The following STRN4 variants were observed in gnomAD, a reference collection of about 807,000 sequenced individuals.
STRN4 encodes striatin-4.
Under a neutral mutation model 77.9 loss-of-function variants are expected in STRN4, and 27 were observed. The ratio of observed to expected loss-of-function variants is 0.35; its 90% CI spans 0.26 to 0.48. The LOEUF (loss-of-function observed/expected upper bound fraction) is 0.48. Among genes scored for constraint, STRN4 ranks in the 20% least tolerant of loss-of-function variants. The probability of loss-of-function intolerance (pLI) is 0.99; values close to 1 mark genes in which losing one functional copy is unlikely to be tolerated. For missense variants in STRN4, 798 were observed against 1,049.7 expected (o/e 0.76, Z 3.31); for synonymous variants, 466 against 443.1 (o/e 1.05, Z -0.65).
intron 12 of STRN4, among the ~76,000 whole-genome samples, chr19:46,724,473 G>A (rs1039453954): frequency 3.9e-5 from 6 of 152,176 alleles, no homozygotes; most frequent in African/African-American, 1.2e-4. Context: ...CAGAGTACAC[G>A]GCATGGCAGA....
At chr19:46,732,748 T>G in intron 5 of STRN4, 1 of 395,300 alleles carries the variant, frequency 2.5e-6, no homozygotes, top group Non-Finnish European at 4.6e-6. Context: ...GCACCCAGGG[T>G]GTGCCTTCGG....
At position 46,722,828 on chromosome 19, in the gene STRN4, C is replaced by T; in HGVS notation, c.1888G>A (p.Glu630Lys). Residue 630 changes from glutamate (E) to lysine (K), a missense_variant, in exon 14 of 18, where the codon GAG becomes AAG. Glu to Lys is a moderately conservative substitution (Grantham distance 56). This residue lies in a region of STRN4 where 287 missense variants were observed against 473.8 expected (regional missense o/e 0.61). Coordinates refer to ENST00000263280, the MANE Select transcript of STRN4 (RefSeq NM_013403.3). Reference sequence around the variant, plus strand: ...CCCTTACCGCTGCTGCCCCGGGACTCCAGCGTGAGGAGGGCACTGCCAACC... The same window carrying T: ...CCCTTACCGCTGCTGCCCCGGGACTTCAGCGTGAGGAGGGCACTGCCAACC... The part of the protein sequence containing the change: ...MEVGSALLTL[E>K]SRGSSGPTQI... 6.2e-7 allele frequency: 1 copy of T among 1,613,928 alleles called. No homozygotes were observed. The highest frequency in any genetic ancestry group is 1.3e-5 in the African/African-American group (1 of 75,070).
rs534413024 is a variant in STRN4 at position 46,743,233 on chromosome 19, T to C, written c.282+2916A>G. Reference sequence around the variant, plus strand: ...GGAACTTTCCTTTTTCACTTACATATATATGTGTATACACACACTCACACA... The same window carrying C: ...GGAACTTTCCTTTTTCACTTACATACATATGTGTATACACACACTCACACA... On this transcript the variant is annotated intron_variant, in intron 1 of 17. Coordinates refer to ENST00000263280, the MANE Select transcript of STRN4 (RefSeq NM_013403.3). 2.6e-5 allele frequency among the ~76,000 whole-genome samples: 4 copies of C among 152,156 alleles called. No individual in the cohort carries two copies. The East Asian group carries it at 7.7e-4, about 29-fold the overall frequency.
intron 4 of STRN4, among the ~76,000 whole-genome samples, chr19:46,734,558 CA>C (rs1169129222): frequency 1.3e-5 from 2 of 152,180 alleles, no homozygotes; most frequent in African/African-American, 2.4e-5. Flanking sequence ...ATCTATATGA[CA>C]GACATTATAT....
chr19:46,724,455 C>T (rs944885839), intron 12 of STRN4, among the ~76,000 whole-genome samples: 5 of 152,190 alleles, frequency 3.3e-5, no homozygotes, highest in Non-Finnish European at 5.9e-5. Flanking sequence ...CTGGCGGATC[C>T]CCACACACAG....
intron 5 of STRN4, chr19:46,732,797 T>G: frequency 1.0e-5 from 5 of 494,884 alleles, no homozygotes; most frequent in Non-Finnish European, 1.4e-5. Flanking sequence ...CAGGCCTGAG[T>G]ATCAGGACGG....
intron 1 of STRN4, among the ~76,000 whole-genome samples, chr19:46,743,510 T>C (rs1174790758): frequency 1.3e-5 from 2 of 152,222 alleles, no homozygotes; most frequent in Admixed American, 1.3e-4. Flanking sequence ...AGCTCTGCTA[T>C]GACTGCTTGG....
At chr19:46,725,914 G>C in intron 9 of STRN4, 1 of 497,350 alleles carries the variant, frequency 2.0e-6, no homozygotes, top group Non-Finnish European at 3.6e-6. Context: ...GAGAGGAAGG[G>C]GAATGGGGGA....
At chr19:46,743,032 T>C (rs943261183) in intron 1 of STRN4, among the ~76,000 whole-genome samples, 1 of 152,184 alleles carries the variant, frequency 6.6e-6, no homozygotes, top group Non-Finnish European at 1.5e-5. Flanking sequence ...GGTGCAAACA[T>C]CCCGTGGGAC....
In STRN4 at chr19:46,733,077, C is replaced by T. The variant is rs1169746953; in HGVS notation, c.699G>A (p.Glu233=). 2 of 1,612,996 alleles carry T rather than the reference C, an allele frequency of 1.2e-6. No homozygotes were observed. Among genetic ancestry groups the T allele is most frequent in the African/African-American group, 1.3e-5 (1 of 74,936 alleles). Residue 233 remains glutamate, a synonymous_variant, in exon 5 of 18, where the codon GAG becomes GAA. Coordinates refer to ENST00000263280, the MANE Select transcript of STRN4 (RefSeq NM_013403.3). The surrounding 1 kb of genome is among the most constrained non-coding windows in gnomAD (Gnocchi z 4.3). ...PPGPAGLSGG[E]SLLVKQIEEQ... is the part of the protein sequence containing the mutation. ...CCTCGATCTGTTTCACCAGCAGCGA[C>T]TCCCCACCACTGAGCCCTGCAGGGC...
chr19:46,742,200 C>T (rs558195340), intron 1 of STRN4, among the ~76,000 whole-genome samples: 1 of 152,244 alleles, frequency 6.6e-6, no homozygotes, highest in East Asian at 1.9e-4. Flanking sequence ...TCTCAGAATC[C>T]CCCACCTAGC....
At chr19:46,720,366 T>C (rs1398112245) in intron 17 of STRN4, 28 bp from the exon 18 acceptor site, 4 of 409,964 alleles carry the variant, frequency 9.8e-6, no homozygotes, top group Non-Finnish European at 1.3e-5. Flanking sequence ...GAGGGGAGAC[T>C]GAGCCGCCGC....
In STRN4 at chr19:46,725,594, G is replaced by T; in HGVS notation, c.1303C>A (p.Arg435Ser). ...KKTWNPKFTL[R>S]SHYDGIRSLA... ...GAACGAATGCCGTCGTAGTGCGAGCGCAGGGTGAACTTGGGGTTCCACGTC... is the reference window on the plus strand; with the variant it reads ...GAACGAATGCCGTCGTAGTGCGAGCTCAGGGTGAACTTGGGGTTCCACGTC... Residue 435 changes from arginine (R) to serine (S), a missense_variant, in exon 10 of 18, where the codon CGC (arginine) becomes AGC (serine). Transcript: ENST00000263280. 1 of 1,614,176 alleles carries T rather than the reference G, an allele frequency of 6.2e-7. No homozygotes were observed. Among genetic ancestry groups the T allele is most frequent in the Non-Finnish European group, 8.5e-7 (1 of 1,180,032 alleles).
chr19:46,733,270 C>CATG lies in STRN4; in HGVS notation c.540-35_540-34insCAT, dbSNP rs1555732348. 11 of 1,594,196 alleles carry CATG rather than the reference C, an allele frequency of 6.9e-6. No homozygotes were observed. Among genetic ancestry groups the CATG allele is most frequent in the Non-Finnish European group, 8.5e-6 (10 of 1,173,066 alleles). On this transcript the variant is annotated intron_variant, in intron 4 of 17. Transcript: ENST00000263280. This position sits in a 1 kb window ranked among gnomAD's most constrained non-coding sequence, Gnocchi z 4.3. ...GTGCAGAGCCACGTGGGTCAGACAT[C>CATG]CCCTGGGCTTCTTCATGTACCACAG...
intron 7 of STRN4, 74 bp downstream of exon 7, chr19:46,728,544 G>A: frequency 6.5e-7 from 1 of 1,536,032 alleles, no homozygotes; most frequent in Non-Finnish European, 8.8e-7. Flanking sequence ...GGAAGCAGCT[G>A]CGGGCAGCTG....
chr19:46,727,076 C>T (rs182552861), intron 9 of STRN4, among the ~76,000 whole-genome samples: 15 of 152,298 alleles, frequency 9.8e-5, no homozygotes, highest in African/African-American at 3.1e-4. Context: ...CCCAGCTGGC[C>T]AAAGGCTCCC....
Position 46,738,125 on chromosome 19 carries a change from G to A in STRN4, c.460+39C>T, listed in dbSNP as rs568179406. ...CTTCTCCAGAACACTCAGCTTCTGCGGGAGGGTGCCGACAGTGCGAGCATC... is the reference window on the plus strand; with the variant it reads ...CTTCTCCAGAACACTCAGCTTCTGCAGGAGGGTGCCGACAGTGCGAGCATC... On this transcript the variant is annotated intron_variant, in intron 3 of 17. Transcript: ENST00000263280. This position sits in a 1 kb window ranked among gnomAD's most constrained non-coding sequence, Gnocchi z 4.5. 26 of 1,593,250 alleles carry A rather than the reference G, an allele frequency of 1.6e-5. No individual in the cohort carries two copies. The highest frequency in any genetic ancestry group is 4.0e-5 in the African/African-American group (3 of 74,476).
rs1842088353 is a variant in STRN4, at chr19:46,720,753, C to T, written c.2111G>A (p.Arg704His). The change falls in exon 17 of 18, where the codon CGT becomes CAT. Residue 704 changes from arginine to histidine, a missense_variant. Transcript: ENST00000263280. ...CGTTTTGTTGTCCAGGCTCCAGAGA[C>T]GCAGGGAGCAGTCATGGCCTGCACA... The part of the protein sequence containing the change: ...LMSGSHDCSL[R>H]LWSLDNKTCV... 3.1e-6 allele frequency: 5 copies of T among 1,599,706 alleles called. No individual in the cohort carries two copies. Among genetic ancestry groups the T allele is most frequent in the South Asian group, 1.1e-5 (1 of 88,662 alleles).
intron 8 of STRN4, 83 bp from the exon 9 acceptor site, chr19:46,727,629 G>A (rs757617551): frequency 8.6e-7 from 1 of 1,156,764 alleles, no homozygotes; most frequent in South Asian, 1.3e-5. Flanking sequence ...GACAGAGAGA[G>A]GCAGAGAAAG....
Sources: allele counts gnomAD v4.1 joint callset (sites outside exome capture counted in the v4.1 genomes callset), GRCh38; gene constraint gnomAD v4.1.1; regional missense constraint gnomAD v4.1.1; non-coding constraint Gnocchi (gnomAD v3.1); transcripts MANE v1.5; gene names NCBI Gene and HGNC (gene_info 2026-07-23, HGNC 2026-07-21).